The following CADM2 variants were observed in gnomAD, a reference collection of about 807,000 sequenced individuals.
CADM2 encodes immunoglobulin superfamily member 4D.
CADM2 carries 12 observed loss-of-function variants against 49.8 expected under a neutral mutation model. The observed-to-expected ratio is 0.24, with a 90% CI of 0.15 to 0.39. The LOEUF is 0.39. CADM2 is among the 10% of genes least tolerant of loss of function. The probability of loss-of-function intolerance (pLI) is 1.00; values close to 1 mark genes in which losing one functional copy is unlikely to be tolerated. For synonymous variants in CADM2, 214 were observed against 175.4 expected, an observed-to-expected ratio of 1.22 and a Z score of -1.74; for missense variants, 378 against 492.3, an observed-to-expected ratio of 0.77 and a Z score of 2.20.
chr3:85,996,054 C>A (rs1205026703), intron 8 of CADM2, among the ~76,000 whole-genome samples: 1 of 149,990 alleles, frequency 6.7e-6, no homozygotes, highest in Non-Finnish European at 1.5e-5. Context: ...CGTGCCACTG[C>A]ACTCCAGCCT....
chr3:85,595,225 A>G (rs969492156), intron 1 of CADM2, among the ~76,000 whole-genome samples: 1 of 152,124 alleles, frequency 6.6e-6, no homozygotes, highest in Middle Eastern at 3.4e-3. Context: ...AGAGGGTTTC[A>G]TCTATTAGAG....
intron 1 of CADM2, among the ~76,000 whole-genome samples, chr3:85,092,271 C>T (rs888154460): frequency 6.6e-6 from 1 of 152,030 alleles, no homozygotes; most frequent in Non-Finnish European, 1.5e-5. Flanking sequence ...TACATTTATC[C>T]ACAATACATT....
chr3:85,086,427 G>T (rs893504994), intron 1 of CADM2, among the ~76,000 whole-genome samples: 1 of 150,654 alleles, frequency 6.6e-6, no homozygotes, highest in African/African-American at 2.4e-5. Context: ...GCTTTCTAGT[G>T]TAGTATACTA....
At chr3:85,640,621 A>G (rs2064681586) in intron 1 of CADM2, among the ~76,000 whole-genome samples, 1 of 152,134 alleles carries the variant, frequency 6.6e-6, no homozygotes, top group South Asian at 2.1e-4. Context: ...TGGTGGGGAA[A>G]GCAGATTGGG....
intron 1 of CADM2, among the ~76,000 whole-genome samples, chr3:85,457,435 A>G (rs964768819): frequency 6.6e-6 from 1 of 152,110 alleles, no homozygotes; most frequent in Non-Finnish European, 1.5e-5. Context: ...AAAATTAAAA[A>G]GGATTTATTA....
At chr3:85,371,518 G>A (rs1415316267) in intron 1 of CADM2, among the ~76,000 whole-genome samples, 2 of 151,248 alleles carry the variant, frequency 1.3e-5, no homozygotes, top group African/African-American at 2.4e-5. Flanking sequence ...TCTAGGCTTA[G>A]GTAAGTACAC....
chr3:85,904,436 G>A (rs1293045287), intron 5 of CADM2, among the ~76,000 whole-genome samples: 1 of 152,184 alleles, frequency 6.6e-6, no homozygotes, highest in East Asian at 1.9e-4. Context: ...AGGAAACATG[G>A]ATCTCCACCT....
intron 2 of CADM2, among the ~76,000 whole-genome samples, chr3:85,780,483 G>T (rs189403634): frequency 1.9e-3 from 282 of 152,242 alleles, no homozygotes; most frequent in African/African-American, 6.0e-3. Context: ...ACAAGAAAAA[G>T]ATTTAAACCC....
chr3:85,061,991 T>C (rs946049368), intron 1 of CADM2, among the ~76,000 whole-genome samples: 2 of 151,582 alleles, frequency 1.3e-5, no homozygotes, highest in Non-Finnish European at 2.9e-5. Flanking sequence ...AGTTCATAAG[T>C]AAGAGCTTAC....
chr3:85,421,776 C>T (rs889881788), intron 1 of CADM2, among the ~76,000 whole-genome samples: 10 of 152,262 alleles, frequency 6.6e-5, no homozygotes, highest in Middle Eastern at 3.4e-3. Context: ...TAATTTGAAT[C>T]GAGCAGCTTA....
intron 1 of CADM2, among the ~76,000 whole-genome samples, chr3:85,039,684 C>A (rs1259968106): frequency 2.0e-5 from 3 of 152,112 alleles, no homozygotes; most frequent in Admixed American, 6.6e-5. Flanking sequence ...AGGCAAGTAG[C>A]AAATAATGAG....
chr3:85,668,144 G>A (rs181118301), intron 1 of CADM2, among the ~76,000 whole-genome samples: 9 of 151,664 alleles, frequency 5.9e-5, no homozygotes, highest in Middle Eastern at 6.8e-3. Context: ...TTATGTAATG[G>A]TGGTGGGCAA....
At chr3:85,408,644 T>C (rs543232467) in intron 1 of CADM2, among the ~76,000 whole-genome samples, 10 of 152,340 alleles carry the variant, frequency 6.6e-5, no homozygotes, top group Admixed American at 6.5e-4. Context: ...ATCCCTCTTA[T>C]TCTGAGCAGT....
At chr3:85,256,976 T>G (rs1466081891) in intron 1 of CADM2, among the ~76,000 whole-genome samples, 1 of 152,172 alleles carries the variant, frequency 6.6e-6, no homozygotes, top group Non-Finnish European at 1.5e-5. Flanking sequence ...TTTCATCATA[T>G]GCTAGGCATT....
Position 84,959,423 on chromosome 3 carries a change from G to T in CADM2, c.-185G>T. 1.7e-6 allele frequency: 1 copy of T among 593,078 alleles called. No homozygotes were observed. The allele number at this position is 593,078 out of a possible 1,614,324, so 36.7% of individuals were successfully genotyped here. Reference sequence around the variant, plus strand: ...TTTCGCGATACCCCATTCTGCGGGTGCTTTGCCGCTGCCGCTTCTGCTGCC... The same window carrying T: ...TTTCGCGATACCCCATTCTGCGGGTTCTTTGCCGCTGCCGCTTCTGCTGCC... On this transcript the variant is annotated 5_prime_UTR_variant, in exon 1 of 10. Transcript: ENST00000383699.
chr3:85,685,079 C>A (rs2066162085), intron 1 of CADM2, among the ~76,000 whole-genome samples: 1 of 152,126 alleles, frequency 6.6e-6, no homozygotes, highest in Non-Finnish European at 1.5e-5. Context: ...GGTGAAACCC[C>A]GTCTCTACTA....
intron 1 of CADM2, among the ~76,000 whole-genome samples, chr3:85,289,273 T>C (rs2043714639): frequency 6.6e-6 from 1 of 152,204 alleles, no homozygotes; most frequent in Non-Finnish European, 1.5e-5. Flanking sequence ...GTAAAGTACA[T>C]AGACTGCATT....
intron 1 of CADM2, among the ~76,000 whole-genome samples, chr3:85,248,944 A>G (rs1409208450): frequency 2.0e-5 from 3 of 152,292 alleles, no homozygotes; most frequent in Middle Eastern, 6.8e-3. Context: ...AAATTTAAGC[A>G]ATCTGATTTT....
chr3:85,405,836 C>T (rs766545802), intron 1 of CADM2, among the ~76,000 whole-genome samples: 1 of 151,562 alleles, frequency 6.6e-6, no homozygotes, highest in Non-Finnish European at 1.5e-5. Flanking sequence ...TTCTACATTC[C>T]TGACTTCCAA....
Sources: allele counts gnomAD v4.1 joint callset (sites outside exome capture counted in the v4.1 genomes callset), GRCh38; gene constraint gnomAD v4.1.1; transcripts MANE v1.5; gene names NCBI Gene and HGNC (gene_info 2026-07-23, HGNC 2026-07-21).